The following LAMC1 variants were observed in gnomAD, a reference collection of about 807,000 sequenced individuals.
LAMC1 encodes laminin subunit gamma-1.
Under a neutral mutation model 173.6 loss-of-function variants are expected in LAMC1, and 38 were observed. The ratio of observed to expected loss-of-function variants is 0.22; its 90% CI spans 0.17 to 0.29. The LOEUF (loss-of-function observed/expected upper bound fraction) is 0.29, where lower values mean the gene tolerates loss of function less well. Among genes scored for constraint, LAMC1 ranks in the 10% least tolerant of loss-of-function variants. The pLI is 1.00. For synonymous variants in LAMC1, 746 were observed against 749.1 expected, an observed-to-expected ratio of 1.00 and a Z score of 0.07; for missense variants, 1,824 against 2,051.8, an observed-to-expected ratio of 0.89 and a Z score of 2.14.
In LAMC1 at chr1:183,135,216, T is replaced by A. The variant is rs373870983; in HGVS notation, c.4114+60T>A. On this transcript the variant is annotated intron_variant, in intron 24 of 27. Coordinates refer to ENST00000258341, the MANE Select transcript of LAMC1 (RefSeq NM_002293.4). The stretch of plus-strand genomic sequence containing the variant: ...CCGCCACTAGAGTGATTTTTTTTTT[T>A]AATCATGACTTTTACCATATTTATT... The A allele has an allele frequency of 1.8e-5, 16 of 888,008 alleles. 1 individual carries two copies. Among genetic ancestry groups the A allele is most frequent in the African/African-American group, 3.4e-5 (2 of 59,058 alleles). The allele number at this position is 888,008 out of a possible 1,614,324, so 55.0% of individuals were successfully genotyped here.
intron 2 of LAMC1, among the ~76,000 whole-genome samples, chr1:183,105,244 AAAG>A (rs1261078522): frequency 0.011 from 1,273 of 118,818 alleles, 54 homozygotes; most frequent in South Asian, 0.042. Context: ...AAAAAAAAAA[AAAG>A]AAAGAAAGAA....
In LAMC1 at chr1:183,098,310, G is replaced by A. The variant is rs1655746934; in HGVS notation, c.419-5018G>A. On this transcript the variant is annotated intron_variant, in intron 1 of 27. Transcript: ENST00000258341. ...GCTCCTTAGTGTTCCAGTTCTGGTT[G>A]TAGTTAATTCCAGATAACACACATA... 2.6e-5 allele frequency among the ~76,000 whole-genome samples: 4 copies of A among 152,182 alleles called. No individual in the cohort carries two copies. The South Asian group carries it at 8.3e-4, about 32-fold the overall frequency.
chr1:183,033,504 A>G (rs6678517), intron 1 of LAMC1, among the ~76,000 whole-genome samples: 60,668 of 152,072 alleles, frequency 0.4, 12,334 homozygotes, highest in East Asian at 0.5. Flanking sequence ...TGCTTTGGTC[A>G]CAATATCTGG....
chr1:183,118,160 T>C lies in LAMC1; in HGVS notation c.1990+14T>C. On this transcript the variant is annotated intron_variant, in intron 11 of 27. Transcript: ENST00000258341. ...ACAGTGAGAGAAGTAAGTTATGATA[T>C]AATTTAGGAGAGTTGTTTAAAAAGA... 3.6e-6 allele frequency: 5 copies of C among 1,395,656 alleles called. No individual in the cohort carries two copies. The highest frequency in any genetic ancestry group is 5.1e-6 in the Non-Finnish European group (5 of 984,780). 86.5% of individuals were successfully genotyped at this position (1,395,656 alleles called of 1,614,324 possible).
chr1:183,067,475 T>TTTG (rs373552407), intron 1 of LAMC1, among the ~76,000 whole-genome samples: 203 of 151,914 alleles, frequency 1.3e-3, no homozygotes, highest in African/African-American at 4.3e-3. Flanking sequence ...CATATATATT[T>TTTG]TTGTTGTTGT....
Position 183,122,242 on chromosome 1 carries a change from G to T in LAMC1, c.2392G>T (p.Gly798Cys), listed in dbSNP as rs1656496868. Residue 798 changes from glycine (G) to cysteine (C), a missense_variant, in exon 13 of 28, where the codon GGC becomes TGC. Transcript: ENST00000258341. The stretch of plus-strand genomic sequence containing the variant: ...GGTGGTGTGCACCAACTGTCCTACT[G>T]GCACCACTGGTAAGTCTGCTCGCTT... ...KEVVCTNCPT[G>C]TTGKRCELCD... 6 of 1,614,042 alleles carry T rather than the reference G, an allele frequency of 3.7e-6. No homozygotes were observed. Among genetic ancestry groups the T allele is most frequent in the Non-Finnish European group, 4.2e-6 (5 of 1,179,944 alleles).
intron 25 of LAMC1, among the ~76,000 whole-genome samples, chr1:183,136,821 G>A (rs1206246989): frequency 6.6e-6 from 1 of 152,032 alleles, no homozygotes; most frequent in Non-Finnish European, 1.5e-5. Flanking sequence ...CTATGTCTCA[G>A]TGTGAGGTCT....
chr1:183,070,060 G>C (rs1217992451), intron 1 of LAMC1, among the ~76,000 whole-genome samples: 1 of 152,222 alleles, frequency 6.6e-6, no homozygotes, highest in Non-Finnish European at 1.5e-5. Context: ...GTGGACAGAT[G>C]AATGAATGGG....
intron 1 of LAMC1, among the ~76,000 whole-genome samples, chr1:183,084,474 C>CA (rs1320647598): frequency 6.6e-6 from 1 of 151,778 alleles, no homozygotes; most frequent in Non-Finnish European, 1.5e-5. Context: ...GAAAACGAAA[C>CA]AAAACACTTT....
At chr1:183,032,585 C>T (rs1350604669) in intron 1 of LAMC1, among the ~76,000 whole-genome samples, 2 of 152,074 alleles carry the variant, frequency 1.3e-5, no homozygotes, top group Admixed American at 1.3e-4. Context: ...TGCAGCGGTG[C>T]AGTCAGAGCT....
chr1:183,138,030 G>T, intron 26 of LAMC1: 1 of 542,864 alleles, frequency 1.8e-6, no homozygotes, highest in Non-Finnish European at 2.8e-6. Context: ...CAATTGTCCT[G>T]TCCCAAAGTT....
At chr1:183,096,720 C>T (rs1655702385) in intron 1 of LAMC1, 1 of 152,120 alleles carries the variant, frequency 6.6e-6, no homozygotes, top group Non-Finnish European at 1.5e-5. Context: ...TTGTGCTGAT[C>T]TAAATATACT....
chr1:183,081,716 T>C (rs2102051020), intron 1 of LAMC1, among the ~76,000 whole-genome samples: 1 of 152,324 alleles, frequency 6.6e-6, no homozygotes, highest in East Asian at 1.9e-4. Flanking sequence ...CAACATTTCC[T>C]ATCAGAATGG....
At chr1:183,079,232 GTTTTTTTTTTTTTTTTTTTTTTTTTTTT>G (rs796732672) in intron 1 of LAMC1, among the ~76,000 whole-genome samples, 5 of 62,840 alleles carry the variant, frequency 8.0e-5, no homozygotes, top group South Asian at 5.9e-4. Context: ...CTCTAATCTG[GTTTTTTTTTTTTTTTTTTTTTTTTTTTT>G]TTTTTTTTTT....
Position 183,117,460 on chromosome 1 carries a change from G to A in LAMC1, c.1687+18G>A. ...TGCTCCTGGTAAGTAAGGCTAGAAA[G>A]CAGTCTGACCTGCTGTGTGCCTCTG... is the stretch of plus-strand genomic sequence containing the variant. On this transcript the variant is annotated intron_variant, in intron 9 of 27. Coordinates refer to ENST00000258341, the MANE Select transcript of LAMC1 (RefSeq NM_002293.4). 1 of 1,611,616 alleles carries A rather than the reference G, an allele frequency of 6.2e-7. No individual in the cohort carries two copies. The highest frequency in any genetic ancestry group is 1.1e-5 in the South Asian group (1 of 90,954).
chr1:183,110,095 G>A (rs1656100556), intron 3 of LAMC1, among the ~76,000 whole-genome samples: 1 of 152,136 alleles, frequency 6.6e-6, no homozygotes, highest in Non-Finnish European at 1.5e-5. Context: ...TTTTACAGGC[G>A]AGGCACAGAG....
intron 5 of LAMC1, among the ~76,000 whole-genome samples, chr1:183,115,086 C>T (rs949141383): frequency 6.6e-6 from 1 of 152,178 alleles, no homozygotes; most frequent in Non-Finnish European, 1.5e-5. Flanking sequence ...ATATTCTTAG[C>T]ATGTTTGCGT....
chr1:183,076,926 A>C (rs997234696), intron 1 of LAMC1, among the ~76,000 whole-genome samples: 2 of 152,132 alleles, frequency 1.3e-5, no homozygotes, highest in Admixed American at 1.3e-4. Context: ...AACACAGAAA[A>C]ATAGTGTAAC....
Position 183,132,544 on chromosome 1 carries a change from A to G in LAMC1, c.3704+7A>G. The G allele has an allele frequency of 6.2e-7, 1 of 1,611,408 alleles. No homozygotes were observed. The highest frequency in any genetic ancestry group is 1.1e-5 in the South Asian group (1 of 90,794). On this transcript the variant is annotated splice_region_variant and intron_variant, in intron 21 of 27. Coordinates refer to ENST00000258341, the MANE Select transcript of LAMC1 (RefSeq NM_002293.4). ...TTGAAGAGCTTAATAGGAAGTGAGT[A>G]TAATTTGAAAGTGGTTTACACCCCT...
Sources: allele counts gnomAD v4.1 joint callset (sites outside exome capture counted in the v4.1 genomes callset), GRCh38; gene constraint gnomAD v4.1.1; transcripts MANE v1.5; gene names NCBI Gene and HGNC (gene_info 2026-07-23, HGNC 2026-07-21).